The following CLSTN2 variants were observed in gnomAD, a reference collection of about 807,000 sequenced individuals.
CLSTN2 encodes the protein calsyntenin 2.
CLSTN2 carries 48 observed loss-of-function variants against 101.2 expected under a neutral mutation model. The observed-to-expected ratio is 0.47, with a 90% CI of 0.38 to 0.60. The LOEUF is 0.60. CLSTN2 is among the 20% of genes least tolerant of loss of function. CLSTN2 has a pLI of 0.00. For synonymous variants in CLSTN2, 481 were observed against 463.6 expected (o/e 1.04, Z -0.48); for missense variants, 1,160 against 1,238.2 (o/e 0.94, Z 0.95).
intron 8 of CLSTN2, among the ~76,000 whole-genome samples, chr3:140,528,834 C>A (rs762847356): frequency 4.6e-5 from 7 of 152,180 alleles, no homozygotes; most frequent in Non-Finnish European, 7.3e-5. Context: ...ACACTTATCT[C>A]AAGTTTCATT....
chr3:140,445,291 A>G (rs1933050756), intron 5 of CLSTN2, among the ~76,000 whole-genome samples: 1 of 152,330 alleles, frequency 6.6e-6, no homozygotes, highest in Middle Eastern at 3.4e-3. Context: ...CCTTTTAAAA[A>G]AGATTTGAGG....
At chr3:140,480,728 C>T (rs955486016) in intron 8 of CLSTN2, among the ~76,000 whole-genome samples, 1 of 152,038 alleles carries the variant, frequency 6.6e-6, no homozygotes, top group Non-Finnish European at 1.5e-5. Context: ...CTGTCTTTTG[C>T]CTGCATAAAT....
intron 1 of CLSTN2, among the ~76,000 whole-genome samples, chr3:139,941,800 C>T (rs1935136132): frequency 1.3e-5 from 2 of 152,200 alleles, no homozygotes; most frequent in Admixed American, 1.3e-4. Context: ...ATTATTTCTG[C>T]ATCAGATTCC....
At chr3:140,235,806 G>A (rs1055201065) in intron 2 of CLSTN2, among the ~76,000 whole-genome samples, 1 of 152,164 alleles carries the variant, frequency 6.6e-6, no homozygotes, top group African/African-American at 2.4e-5. Flanking sequence ...GTAGTGGGGG[G>A]CTGATTAGAG....
At chr3:140,240,813 G>A (rs1391897008) in intron 2 of CLSTN2, among the ~76,000 whole-genome samples, 1 of 152,146 alleles carries the variant, frequency 6.6e-6, no homozygotes, top group Non-Finnish European at 1.5e-5. Flanking sequence ...TTCTGCAGCT[G>A]GGGTAAAAGA....
At chr3:140,289,032 G>A (rs1338086040) in intron 2 of CLSTN2, among the ~76,000 whole-genome samples, 2 of 152,098 alleles carry the variant, frequency 1.3e-5, no homozygotes, top group Admixed American at 1.3e-4. Context: ...AAATCCTCTG[G>A]AATCTTCACT....
At chr3:140,253,558 A>G (rs1425147985) in intron 2 of CLSTN2, among the ~76,000 whole-genome samples, 2 of 152,192 alleles carry the variant, frequency 1.3e-5, no homozygotes, top group African/African-American at 2.4e-5. Flanking sequence ...CAGGCCCCTG[A>G]CATGTCAGCA....
chr3:140,564,110 G>A lies in CLSTN2; in HGVS notation c.2632G>A (p.Asp878Asn), dbSNP rs1380076789. 5.0e-6 allele frequency: 8 copies of A among 1,614,106 alleles called. No homozygotes were observed. The East Asian group carries it at 8.9e-5, about 18-fold the overall frequency. ...AAKESEMDWD[D>N]SALTITVNPM... The stretch of plus-strand genomic sequence containing the variant: ...CAAGGAATCTGAGATGGACTGGGAC[G>A]ATTCTGCGCTGACTATCACAGTCAA... Residue 878 changes from aspartate to asparagine, a missense_variant, in exon 16 of 17, where the codon GAT (aspartate) becomes AAT (asparagine). Physicochemically the swap from Asp to Asn is conservative, Grantham distance 23. Transcript: ENST00000458420.
In CLSTN2 at chr3:139,954,314, G is replaced by A. The variant is rs147645077; in HGVS notation, c.109+18831G>A. ...GTTTGTGGGGCATTTGGAGAATACTGTGTAGTCATTGAACTCTCAGCGCTT... is the reference window on the plus strand; with the variant it reads ...GTTTGTGGGGCATTTGGAGAATACTATGTAGTCATTGAACTCTCAGCGCTT... On this transcript the variant is annotated intron_variant, in intron 1 of 16. Transcript: ENST00000458420. Among the ~76,000 whole-genome samples the A allele has an allele frequency of 2.1e-4, 32 of 152,288 alleles. No homozygotes were observed. In the East Asian group the frequency reaches 6.0e-3, roughly 29 times the overall value.
intron 2 of CLSTN2, among the ~76,000 whole-genome samples, chr3:140,177,541 G>A (rs892104708): frequency 2.0e-5 from 3 of 152,064 alleles, no homozygotes; most frequent in Non-Finnish European, 2.9e-5. Context: ...TGCAACCCCA[G>A]CACTTTGGGA....
chr3:140,540,186 C>T (rs186048145), intron 9 of CLSTN2, among the ~76,000 whole-genome samples: 36 of 152,302 alleles, frequency 2.4e-4, no homozygotes, highest in Admixed American at 9.1e-4. Context: ...AGGTTCTCAA[C>T]CCCAGAGAGC....
intron 2 of CLSTN2, among the ~76,000 whole-genome samples, chr3:140,183,200 C>A (rs992918316): frequency 6.6e-6 from 1 of 152,140 alleles, no homozygotes; most frequent in African/African-American, 2.4e-5. Flanking sequence ...CTGCTTTAGG[C>A]CAAACTAATG....
chr3:140,218,429 A>G (rs2010948056), intron 2 of CLSTN2, among the ~76,000 whole-genome samples: 1 of 152,180 alleles, frequency 6.6e-6, no homozygotes, highest in Non-Finnish European at 1.5e-5. Context: ...TTGAGCTGAA[A>G]AGATCCATCC....
At chr3:140,202,074 T>C (rs2010724625) in intron 2 of CLSTN2, among the ~76,000 whole-genome samples, 1 of 151,846 alleles carries the variant, frequency 6.6e-6, no homozygotes, top group Non-Finnish European at 1.5e-5. Flanking sequence ...GGTCAGGCAG[T>C]ATTAGAGGTG....
chr3:140,439,006 A>G (rs2088716286), intron 5 of CLSTN2, among the ~76,000 whole-genome samples: 1 of 152,232 alleles, frequency 6.6e-6, no homozygotes, highest in African/African-American at 2.4e-5. Context: ...CCAGACAGCC[A>G]GGGTAAAAGG....
chr3:139,987,484 C>T (rs1400757360), intron 1 of CLSTN2, among the ~76,000 whole-genome samples: 1 of 152,210 alleles, frequency 6.6e-6, no homozygotes, highest in Non-Finnish European at 1.5e-5. Context: ...TTCAGCCTGA[C>T]CCTCAAGTAG....
chr3:140,032,352 T>TTTG (rs1336635410), intron 1 of CLSTN2, among the ~76,000 whole-genome samples: 1 of 149,862 alleles, frequency 6.7e-6, no homozygotes, highest in Admixed American at 6.6e-5. Context: ...TTTTTTTTTT[T>TTTG]GAGACGGAGT....
chr3:140,019,026 G>A (rs1469846648), intron 1 of CLSTN2, among the ~76,000 whole-genome samples: 1 of 152,046 alleles, frequency 6.6e-6, no homozygotes, highest in African/African-American at 2.4e-5. Flanking sequence ...GATGATCCTG[G>A]GAGTCTCCTC....
chr3:140,198,874 C>T (rs932800134), intron 2 of CLSTN2, among the ~76,000 whole-genome samples: 20 of 152,154 alleles, frequency 1.3e-4, no homozygotes, highest in South Asian at 2.1e-4. Context: ...AGGAGGTTAA[C>T]GTAGGTATGG....
Sources: allele counts gnomAD v4.1 joint callset (sites outside exome capture counted in the v4.1 genomes callset), GRCh38; gene constraint gnomAD v4.1.1; transcripts MANE v1.5; gene names NCBI Gene and HGNC (gene_info 2026-07-23, HGNC 2026-07-21).